The following TBC1D30 variants were observed in gnomAD, a reference collection of about 807,000 sequenced individuals.
TBC1D30 encodes TBC1 domain family, member 30.
TBC1D30 carries 31 observed loss-of-function variants against 63.2 expected under a neutral mutation model. The ratio of observed to expected loss-of-function variants is 0.49; its 90% CI spans 0.37 to 0.66. The LOEUF (loss-of-function observed/expected upper bound fraction) is 0.66. Ranked by LOEUF, TBC1D30 falls within the 30% of genes least tolerant of loss-of-function variation. TBC1D30 has a pLI of 0.00. For missense variants in TBC1D30, 810 were observed against 953.6 expected (o/e 0.85, Z 1.98); for synonymous variants, 307 against 361.5 (o/e 0.85, Z 1.71).
At chr12:64,771,517 G>C (rs1156563954) in intron 1 of TBC1D30, among the ~76,000 whole-genome samples, 1 of 151,996 alleles carries the variant, frequency 6.6e-6, no homozygotes, top group Non-Finnish European at 1.5e-5. Context: ...CAGGACCAGA[G>C]GGCAACAAAC....
chr12:64,871,171 A>T (rs1878628127), intron 11 of TBC1D30, among the ~76,000 whole-genome samples: 1 of 152,092 alleles, frequency 6.6e-6, no homozygotes, highest in South Asian at 2.1e-4. Flanking sequence ...ATATAGAATC[A>T]TCTGTGCACT....
upstream of TBC1D30, among the ~76,000 whole-genome samples, chr12:64,824,404 C>G (rs1362953955): frequency 6.6e-6 from 1 of 152,164 alleles, no homozygotes; most frequent in East Asian, 1.9e-4. Context: ...CCTTGGTGCT[C>G]CCTCTGTTCC....
chr12:64,814,916 A>G (rs868264074), intron 2 of TBC1D30, among the ~76,000 whole-genome samples: 3 of 152,368 alleles, frequency 2.0e-5, no homozygotes, highest in Middle Eastern at 6.8e-3. Flanking sequence ...GATGGTAAAG[A>G]TAAAAGTGAA....
chr12:64,852,588 T>G (rs1282937316), intron 8 of TBC1D30, among the ~76,000 whole-genome samples: 3 of 152,202 alleles, frequency 2.0e-5, no homozygotes, highest in Non-Finnish European at 4.4e-5. Context: ...GTATTTTCGG[T>G]CTTTTTGCGC....
intron 2 of TBC1D30, among the ~76,000 whole-genome samples, chr12:64,813,249 A>G (rs1261072237): frequency 6.6e-6 from 1 of 151,972 alleles, no homozygotes; most frequent in East Asian, 1.9e-4. Context: ...AATTAGCCGG[A>G]TGTGGTGGTG....
chr12:64,850,657 G>A (rs1180811878), intron 8 of TBC1D30, among the ~76,000 whole-genome samples: 1 of 152,178 alleles, frequency 6.6e-6, no homozygotes, highest in Non-Finnish European at 1.5e-5. Flanking sequence ...TTTTTGATGT[G>A]CTGCTGGATT....
upstream of TBC1D30, among the ~76,000 whole-genome samples, chr12:64,778,623 C>T (rs1401140796): frequency 1.5e-5 from 2 of 133,786 alleles, no homozygotes; most frequent in Non-Finnish European, 3.1e-5. Context: ...GTGGCGTGAT[C>T]TCGGCTCACT....
At position 64,785,116 on chromosome 12, in the gene TBC1D30, C is replaced by G. The variant is rs551147791; in HGVS notation, c.479-765C>G. On this transcript the variant is annotated intron_variant, in intron 1 of 12. Transcript: ENST00000542120. ...GTAAAATTATTTACTTTTAGCTCAT[C>G]ATTTGTAAACATAGATGAGTACTTT... is the stretch of plus-strand genomic sequence containing the variant. Among the ~76,000 whole-genome samples, 13 of 150,586 alleles carry G rather than the reference C, an allele frequency of 8.6e-5. No individual in the cohort carries two copies. In the East Asian group the frequency reaches 1.9e-3, roughly 23 times the overall value.
rs192519492 is a variant in TBC1D30 at position 64,876,664 on chromosome 12, C to T, written c.*876C>T. 100 of 402,650 alleles carry T rather than the reference C, an allele frequency of 2.5e-4. No individual in the cohort carries two copies. The highest frequency in any genetic ancestry group is 1.1e-3 in the Middle Eastern group (3 of 2,742). The allele number at this position is 402,650 out of a possible 1,614,324, so 24.9% of individuals were successfully genotyped here. A position where few individuals can be genotyped will look rare whatever the true frequency, so the allele number is the denominator to read the frequency against. On this transcript the variant is annotated 3_prime_UTR_variant, in exon 12 of 12. Transcript: ENST00000539867. ...TCACCCACCAGCTCTAGACTGCAGA[C>T]GCACAAGGCCTCTGCTCAGAAGCCA...
chr12:64,843,109 G>A (rs79216453), intron 7 of TBC1D30, among the ~76,000 whole-genome samples: 2,434 of 152,308 alleles, frequency 0.016, 49 homozygotes, highest in South Asian at 0.032. Context: ...CCAGGCTCAG[G>A]TGATCCTCCT....
intron 2 of TBC1D30, among the ~76,000 whole-genome samples, chr12:64,795,704 CTTTTTTT>C (rs1200673199): frequency 1.5e-5 from 2 of 133,128 alleles, no homozygotes; most frequent in African/African-American, 5.5e-5. Flanking sequence ...CTCCACGCTC[CTTTTTTT>C]TTTTTTTTGT....
intron 1 of TBC1D30, among the ~76,000 whole-genome samples, chr12:64,773,796 A>G (rs965479108): frequency 2.0e-5 from 3 of 152,252 alleles, no homozygotes; most frequent in African/African-American, 7.2e-5. Context: ...AAGGTCAGCA[A>G]CCTCAAAGAT....
intron 1 of TBC1D30, 88 bp downstream of exon 1, chr12:64,825,121 G>C (rs1874198420): frequency 7.0e-7 from 1 of 1,428,222 alleles, no homozygotes; most frequent in African/African-American, 1.4e-5. Flanking sequence ...CGTCTAGGCC[G>C]GGGAGCTCTG....
intron 2 of TBC1D30, among the ~76,000 whole-genome samples, chr12:64,807,932 T>TTTTTTTTTTTTTC: frequency 6.8e-6 from 1 of 147,112 alleles, no homozygotes; most frequent in Non-Finnish European, 1.5e-5. Flanking sequence ...TTTTTTTTTT[T>TTTTTTTTTTTTTC]TTTGTAGAGC....
At chr12:64,790,060 T>G (rs1390978272) in intron 2 of TBC1D30, among the ~76,000 whole-genome samples, 3 of 152,230 alleles carry the variant, frequency 2.0e-5, no homozygotes, top group African/African-American at 7.2e-5. Flanking sequence ...GTCCACACTT[T>G]ACATTATAAA....
chr12:64,850,378 CT>C (rs1876763208), intron 8 of TBC1D30, among the ~76,000 whole-genome samples: 1 of 152,002 alleles, frequency 6.6e-6, no homozygotes, highest in Admixed American at 6.6e-5. Context: ...CTGCTTCCAG[CT>C]TTTGCCCATT....
chr12:64,763,352 C>T (rs1462353763), intron 1 of TBC1D30, among the ~76,000 whole-genome samples: 1 of 152,124 alleles, frequency 6.6e-6, no homozygotes, highest in Non-Finnish European at 1.5e-5. Context: ...CTATTTATTA[C>T]TTTCATTTGC....
chr12:64,877,124 T>A lies in TBC1D30; in HGVS notation c.*1336T>A. ...GATGGTACAGAGTCCCTTGATGGCA[T>A]TTTACAAAACCAGCTCTGACTTCCT... On this transcript the variant is annotated 3_prime_UTR_variant, in exon 12 of 12. Transcript: ENST00000539867. The A allele has an allele frequency of 3.4e-6, 1 of 294,054 alleles. No homozygotes were observed. Among genetic ancestry groups the A allele is most frequent in the Non-Finnish European group, 6.8e-6 (1 of 147,346 alleles). The allele number at this position is 294,054 out of a possible 1,614,324, so 18.2% of individuals were successfully genotyped here.
intron 10 of TBC1D30, chr12:64,868,470 T>C (rs1172553091): frequency 8.3e-6 from 2 of 241,532 alleles, no homozygotes; most frequent in African/African-American, 2.3e-5. Context: ...GTTGCCAGCT[T>C]TTCTTGCCCT....
Sources: allele counts gnomAD v4.1 joint callset (sites outside exome capture counted in the v4.1 genomes callset), GRCh38; gene constraint gnomAD v4.1.1; transcripts MANE v1.5; gene names NCBI Gene and HGNC (gene_info 2026-07-23, HGNC 2026-07-21).